The following HSD17B12 variants were observed in gnomAD, a reference collection of about 807,000 sequenced individuals.
HSD17B12 encodes very-long-chain 3-oxoacyl-CoA reductase.
Under a neutral mutation model 39.3 loss-of-function variants are expected in HSD17B12, and 32 were observed. The ratio of observed to expected loss-of-function variants is 0.81; its 90% CI spans 0.61 to 1.09. HSD17B12 has a LOEUF of 1.09. HSD17B12 is among the 50% of genes least tolerant of loss of function. HSD17B12 has a pLI of 0.00. For missense variants in HSD17B12, 342 were observed against 382.9 expected (o/e 0.89, Z 0.89); for synonymous variants, 150 against 146.7 (o/e 1.02, Z -0.16).
chr11:43,567,124 C>CT, the HSD17B12 span, among the ~76,000 whole-genome samples: 1 of 152,118 alleles, frequency 6.6e-6, no homozygotes, highest in East Asian at 1.9e-4. Context: ...TGATGCAAAT[C>CT]TTTTTTGGGA....
chr11:43,616,309 A>G, the HSD17B12 span, among the ~76,000 whole-genome samples: 3 of 151,176 alleles, frequency 2.0e-5, no homozygotes, highest in Non-Finnish European at 4.4e-5. Context: ...TCTGGAGGCT[A>G]AGGCAGGAGA....
chr11:43,734,725 A>T (rs568777523), intron 1 of HSD17B12, among the ~76,000 whole-genome samples: 2 of 152,184 alleles, frequency 1.3e-5, no homozygotes, highest in African/African-American at 4.8e-5. Context: ...CAGAAACCCC[A>T]TCCCCCCAAA....
intron 7 of HSD17B12, among the ~76,000 whole-genome samples, chr11:43,836,291 T>C (rs1184192394): frequency 6.6e-6 from 1 of 152,114 alleles, no homozygotes; most frequent in Non-Finnish European, 1.5e-5. Flanking sequence ...TGTTCCCAGT[T>C]ATGTGAGAAA....
chr11:43,846,056 G>A (rs1158108550), intron 9 of HSD17B12, among the ~76,000 whole-genome samples: 1 of 152,220 alleles, frequency 6.6e-6, no homozygotes, highest in Non-Finnish European at 1.5e-5. Context: ...GTGCCTTGAG[G>A]CAGAGAGGAA....
chr11:43,726,666 A>G (rs1223824594), intron 1 of HSD17B12, among the ~76,000 whole-genome samples: 3 of 152,184 alleles, frequency 2.0e-5, no homozygotes, highest in Non-Finnish European at 4.4e-5. Flanking sequence ...GAATTTTCCA[A>G]TTTCAACATG....
intron 1 of HSD17B12, among the ~76,000 whole-genome samples, chr11:43,747,810 T>C (rs996636762): frequency 6.6e-6 from 1 of 152,214 alleles, no homozygotes; most frequent in Non-Finnish European, 1.5e-5. Context: ...TAAGTGACTG[T>C]ACTCAATAAA....
chr11:43,750,886 A>G (rs1242938536), intron 1 of HSD17B12, 25 bp from the exon 2 acceptor site: 13 of 1,574,704 alleles, frequency 8.3e-6, no homozygotes, highest in Admixed American at 5.2e-5. Flanking sequence ...CTTAGACTAA[A>G]CTATTGCTTT....
chr11:43,582,844 T>TC, the HSD17B12 span, among the ~76,000 whole-genome samples: 1 of 152,228 alleles, frequency 6.6e-6, no homozygotes, highest in African/African-American at 2.4e-5. Context: ...AGAGCTTTCC[T>TC]CCCCAGATAA....
the HSD17B12 span, among the ~76,000 whole-genome samples, chr11:43,617,209 AGT>A: frequency 6.6e-6 from 1 of 152,148 alleles, no homozygotes; most frequent in African/African-American, 2.4e-5. Context: ...AAAGTTGATG[AGT>A]GACTCAGGGA....
chr11:43,690,184 A>G (rs964413330), intron 1 of HSD17B12, among the ~76,000 whole-genome samples: 11 of 151,190 alleles, frequency 7.3e-5, no homozygotes, highest in Admixed American at 4.6e-4. Context: ...AGCACTTGTC[A>G]CCATCTCCCC....
the HSD17B12 span, among the ~76,000 whole-genome samples, chr11:43,566,447 G>A: frequency 3.9e-5 from 6 of 152,178 alleles, no homozygotes; most frequent in African/African-American, 9.7e-5. Flanking sequence ...CAGGCAGTGA[G>A]CAATTGTTAA....
the HSD17B12 span, among the ~76,000 whole-genome samples, chr11:43,663,392 G>T: frequency 6.6e-6 from 1 of 152,126 alleles, no homozygotes; most frequent in South Asian, 2.1e-4. Context: ...GAGCCACCAT[G>T]CCTGGCCTAT....
the HSD17B12 span, among the ~76,000 whole-genome samples, chr11:43,574,232 G>A: frequency 6.6e-6 from 1 of 152,170 alleles, no homozygotes; most frequent in African/African-American, 2.4e-5. Context: ...TCCTGAAAAG[G>A]GAGATGACAC....
At chr11:43,637,649 A>G in the HSD17B12 span, among the ~76,000 whole-genome samples, 2 of 152,206 alleles carry the variant, frequency 1.3e-5, no homozygotes, top group African/African-American at 4.8e-5. Context: ...GTGATACAGA[A>G]TGGTTTTTTA....
At chr11:43,616,755 C>T in the HSD17B12 span, among the ~76,000 whole-genome samples, 2 of 139,466 alleles carry the variant, frequency 1.4e-5, no homozygotes, top group African/African-American at 5.3e-5. Context: ...ATTAGAGAAC[C>T]ATCTTCTTAT....
intron 7 of HSD17B12, chr11:43,838,115 A>G: frequency 1.8e-6 from 1 of 551,170 alleles, no homozygotes; most frequent in Non-Finnish European, 3.2e-6. Context: ...CTAATCGTGA[A>G]GAAGAGCTAT....
At chr11:43,790,246 G>A (rs1725104729) in intron 3 of HSD17B12, among the ~76,000 whole-genome samples, 1 of 152,186 alleles carries the variant, frequency 6.6e-6, no homozygotes, top group African/African-American at 2.4e-5. Flanking sequence ...AGTACATCAT[G>A]ACCATTGATT....
chr11:43,678,431 A>G (rs1949712286), upstream of HSD17B12, among the ~76,000 whole-genome samples: 1 of 152,076 alleles, frequency 6.6e-6, no homozygotes, highest in Non-Finnish European at 1.5e-5. Context: ...GAAGCTCTTT[A>G]GTTTAATTAG....
intron 1 of HSD17B12, among the ~76,000 whole-genome samples, chr11:43,705,761 CT>C (rs56979348): frequency 0.048 from 2,980 of 62,470 alleles, 23 homozygotes; most frequent in Middle Eastern, 0.11. Flanking sequence ...CCTCTCTCCT[CT>C]TTTTTTTTTT....
Sources: allele counts gnomAD v4.1 joint callset (sites outside exome capture counted in the v4.1 genomes callset), GRCh38; gene constraint gnomAD v4.1.1; transcripts MANE v1.5; gene names NCBI Gene and HGNC (gene_info 2026-07-23, HGNC 2026-07-21).